KLHL13: variants seen among roughly 807,000 people sequenced by gnomAD.
KLHL13 encodes kelch like family member 13, also known as kelch-like protein 13.
In KLHL13, 10 loss-of-function variants were observed where a neutral mutation model predicts 37.1. The ratio of observed to expected loss-of-function variants is 0.27; its 90% CI spans 0.17 to 0.46. The LOEUF (loss-of-function observed/expected upper bound fraction) is 0.46. Ranked by LOEUF, KLHL13 falls within the 20% of genes least tolerant of loss-of-function variation. The pLI is 1.00. For synonymous variants in KLHL13, 163 were observed against 181.2 expected (o/e 0.90, Z 0.81); for missense variants, 360 against 509.3 (o/e 0.71, Z 2.82).
chrX:118,081,505 A>T (rs1453566325), intron 1 of KLHL13, among the ~76,000 whole-genome samples: 1 of 111,716 alleles, frequency 9.0e-6, no homozygotes. Flanking sequence ...GGTGCACATA[A>T]TATTTTTGAT....
chrX:117,979,482 G>A (rs1385869478), intron 1 of KLHL13, among the ~76,000 whole-genome samples: 1 of 111,135 alleles, frequency 9.0e-6, no homozygotes, highest in Non-Finnish European at 1.9e-5. Flanking sequence ...CTAAATCTTT[G>A]TATCTTCCTA....
intron 1 of KLHL13, among the ~76,000 whole-genome samples, chrX:118,024,683 G>A (rs758318520): frequency 3.6e-5 from 4 of 111,686 alleles, no homozygotes; most frequent in East Asian, 5.6e-4. Context: ...ACCATAATGA[G>A]GAAGTACTAC....
At chrX:118,078,631 T>A (rs987925089) in intron 1 of KLHL13, among the ~76,000 whole-genome samples, 3 of 111,787 alleles carry the variant, frequency 2.7e-5, no homozygotes, top group African/African-American at 9.7e-5. Context: ...TATTTTGGTG[T>A]ACATACACCA....
At position 117,903,255 on chromosome X, in the gene KLHL13, C is replaced by T. The variant is rs139737968; in HGVS notation, c.1367-1309G>A. On this transcript the variant is annotated intron_variant, in intron 5 of 6. Coordinates refer to ENST00000262820, the Ensembl canonical transcript of KLHL13. ...TTTCATTTCATCATCAAATTCACTA[C>T]GCAAAGTATGCTTTTCTCCTCCAAG... Among the ~76,000 whole-genome samples, 250 of 110,069 alleles carry T rather than the reference C, an allele frequency of 2.3e-3. 1 individual carries two copies. Among genetic ancestry groups the T allele is most frequent in the African/African-American group, 7.8e-3 (236 of 30,108 alleles).
chrX:117,939,990 G>A (rs1231827321), intron 2 of KLHL13, among the ~76,000 whole-genome samples: 1 of 111,637 alleles, frequency 9.0e-6, no homozygotes, highest in Admixed American at 9.5e-5. Flanking sequence ...CATTGCTTTT[G>A]GTGTGTTAGT....
intron 1 of KLHL13, among the ~76,000 whole-genome samples, chrX:118,003,599 C>G (rs374606469): frequency 9.1e-6 from 1 of 110,452 alleles, no homozygotes; most frequent in East Asian, 2.9e-4. Flanking sequence ...AACCAGTAAA[C>G]AAATTAATAT....
At chrX:118,004,108 G>T (rs1188703703) in intron 1 of KLHL13, among the ~76,000 whole-genome samples, 1 of 111,394 alleles carries the variant, frequency 9.0e-6, no homozygotes, top group Non-Finnish European at 1.9e-5. Context: ...AATAATAAGA[G>T]ACATGTTTCT....
At chrX:118,092,551 G>A (rs2055149454) in intron 1 of KLHL13, among the ~76,000 whole-genome samples, 1 of 111,842 alleles carries the variant, frequency 8.9e-6, no homozygotes, top group Admixed American at 9.5e-5. Context: ...TTAGTTAAAA[G>A]AAGTTATCTA....
rs35548396 is a variant in KLHL13 at position 117,929,792 on chromosome X, A to C, written c.241-9422T>G. Among the ~76,000 whole-genome samples, 373 of 105,095 alleles carry C rather than the reference A, an allele frequency of 3.5e-3. 9 individuals are homozygous for C. Among genetic ancestry groups the C allele is most frequent in the African/African-American group, 0.012 (350 of 28,575 alleles). The allele number at this position is 105,095 out of a possible 115,157, so 91.3% of individuals were successfully genotyped here. On this transcript the variant is annotated intron_variant, in intron 2 of 6. Transcript: ENST00000262820. ...CATCGTCTCTACAAAAAAAAAAAAA[A>C]AAAAAAAAAAAACTTAAATTAAATT...
chrX:118,042,837 T>C (rs1027223660), intron 1 of KLHL13, among the ~76,000 whole-genome samples: 8 of 96,809 alleles, frequency 8.3e-5, no homozygotes, highest in Admixed American at 5.4e-4. Flanking sequence ...CTTAGAGAAA[T>C]AGAAAAAAAG....
intron 1 of KLHL13, among the ~76,000 whole-genome samples, chrX:118,060,532 C>T (rs1298035190): frequency 9.0e-6 from 1 of 110,850 alleles, no homozygotes; most frequent in East Asian, 2.8e-4. Context: ...AATTCTTCCA[C>T]GTACCAGACA....
intron 1 of KLHL13, among the ~76,000 whole-genome samples, chrX:118,093,363 A>G (rs1417501392): frequency 8.9e-6 from 1 of 112,066 alleles, no homozygotes; most frequent in African/African-American, 3.2e-5. Context: ...TAATTTCTAT[A>G]AAATCTCTTG....
At chrX:117,977,378 C>T (rs1481810406), upstream of KLHL13, among the ~76,000 whole-genome samples, 3 of 111,430 alleles carry the variant, frequency 2.7e-5, no homozygotes, top group Non-Finnish European at 5.7e-5. Flanking sequence ...TTTCTCAATG[C>T]ATATGTTCCT....
At chrX:118,097,525 A>G (rs1256621095) in intron 1 of KLHL13, among the ~76,000 whole-genome samples, 1 of 111,914 alleles carries the variant, frequency 8.9e-6, no homozygotes, top group African/African-American at 3.3e-5. Context: ...TATAGATTCA[A>G]TGCCATCCCC....
intron 1 of KLHL13, among the ~76,000 whole-genome samples, chrX:118,021,552 C>T (rs1379772807): frequency 3.6e-5 from 4 of 109,985 alleles, no homozygotes; most frequent in Non-Finnish European, 7.6e-5. Flanking sequence ...ATCCATGTCC[C>T]TACAAAGGAC....
At chrX:117,900,824 A>C (rs1182259160) in intron 6 of KLHL13, among the ~76,000 whole-genome samples, 1 of 111,375 alleles carries the variant, frequency 9.0e-6, no homozygotes, top group South Asian at 3.8e-4. Flanking sequence ...TGACTAACAA[A>C]GTTAAATGTC....
intron 1 of KLHL13, among the ~76,000 whole-genome samples, chrX:117,950,388 A>G (rs1933527495): frequency 9.0e-6 from 1 of 111,400 alleles, no homozygotes; most frequent in Non-Finnish European, 1.9e-5. Flanking sequence ...AATCACTTGA[A>G]CCTGGGGGGC....
intron 1 of KLHL13, among the ~76,000 whole-genome samples, chrX:118,055,375 T>C (rs2054673844): frequency 8.9e-6 from 1 of 112,293 alleles, no homozygotes; most frequent in Non-Finnish European, 1.9e-5. Flanking sequence ...TAATTAAATC[T>C]TGGCATGGCA....
At chrX:118,085,223 A>G (rs1285407605) in intron 1 of KLHL13, among the ~76,000 whole-genome samples, 1 of 111,203 alleles carries the variant, frequency 9.0e-6, no homozygotes, top group African/African-American at 3.3e-5. Flanking sequence ...GTACTAATAC[A>G]TGCTATAACT....
Sources: gnomAD v4.1 joint callset for allele counts (sites outside exome capture counted in the v4.1 genomes callset) on GRCh38, gnomAD v4.1.1 for gene constraint, MANE v1.5 for transcripts, NCBI Gene and HGNC (gene_info 2026-07-23, HGNC 2026-07-21) for gene names.